SPECC1: variants seen among roughly 807,000 people sequenced by gnomAD.
SPECC1 encodes the protein cytospin-B.
In SPECC1, 62 loss-of-function variants were observed where a neutral mutation model predicts 104.1. That is an observed-to-expected ratio of 0.60 (90% CI 0.49 to 0.74). The LOEUF is 0.74. Ranked by LOEUF, SPECC1 falls within the 30% of genes least tolerant of loss-of-function variation. The pLI, the probability that SPECC1 is intolerant of heterozygous loss-of-function variation, is 0.00. For synonymous variants in SPECC1, 513 were observed against 501.6 expected (o/e 1.02, Z -0.30); for missense variants, 1,306 against 1,310.5 (o/e 1.00, Z 0.05).
intron 3 of SPECC1, chr17:20,156,000 G>C (rs2032447486): frequency 3.9e-6 from 5 of 1,282,992 alleles, no homozygotes; most frequent in Non-Finnish European, 3.9e-6. Context: ...ATGCAGATGA[G>C]GGGGCGGGGC....
chr17:20,179,697 A>G (rs1359351790), intron 3 of SPECC1, among the ~76,000 whole-genome samples: 1 of 152,246 alleles, frequency 6.6e-6, no homozygotes, highest in African/African-American at 2.4e-5. Flanking sequence ...ATCTCATTTG[A>G]ACAAATATTC....
chr17:20,293,937 G>A (rs980813437), intron 12 of SPECC1, among the ~76,000 whole-genome samples: 1 of 152,170 alleles, frequency 6.6e-6, no homozygotes, highest in Non-Finnish European at 1.5e-5. Context: ...GACCGGTACA[G>A]GAGTCTTCAG....
At chr17:20,071,787 G>A (rs2046563933) in intron 1 of SPECC1, among the ~76,000 whole-genome samples, 1 of 151,928 alleles carries the variant, frequency 6.6e-6, no homozygotes, top group Non-Finnish European at 1.5e-5. Context: ...AAATTTAGAA[G>A]CTACAATGTG....
intron 12 of SPECC1, among the ~76,000 whole-genome samples, chr17:20,296,384 C>G (rs1483313273): frequency 6.6e-6 from 1 of 152,202 alleles, no homozygotes; most frequent in East Asian, 1.9e-4. Flanking sequence ...GTCTACATCT[C>G]TGTTTTGGTA....
chr17:20,253,123 T>G (rs1315820159), intron 9 of SPECC1, among the ~76,000 whole-genome samples: 3 of 152,104 alleles, frequency 2.0e-5, no homozygotes, highest in African/African-American at 7.2e-5. Flanking sequence ...CCCTGATGAT[T>G]AGTGATGTTG....
At chr17:20,269,689 A>C (rs2040334583) in intron 12 of SPECC1, among the ~76,000 whole-genome samples, 3 of 152,308 alleles carry the variant, frequency 2.0e-5, no homozygotes, top group Admixed American at 2.0e-4. Flanking sequence ...GCAGCATTTC[A>C]CACGTGTTGT....
At chr17:20,125,411 A>G (rs1270677185) in intron 3 of SPECC1, among the ~76,000 whole-genome samples, 5 of 151,764 alleles carry the variant, frequency 3.3e-5, no homozygotes, top group Non-Finnish European at 7.4e-5. Context: ...CATTTAATTC[A>G]TTTTCACATT....
intron 4 of SPECC1, among the ~76,000 whole-genome samples, chr17:20,213,731 A>G (rs559571266): frequency 6.6e-6 from 1 of 152,268 alleles, no homozygotes. Context: ...AGCAGGTCCT[A>G]AGGCCAGAAA....
At chr17:20,156,220 CG>C in intron 3 of SPECC1, 1 of 1,414,116 alleles carries the variant, frequency 7.1e-7, no homozygotes. Flanking sequence ...CAGGACGGCC[CG>C]AGGATCCGGA....
intron 3 of SPECC1, among the ~76,000 whole-genome samples, chr17:20,115,817 C>G (rs145593157): frequency 6.6e-6 from 1 of 152,188 alleles, no homozygotes; most frequent in African/African-American, 2.4e-5. Flanking sequence ...CCATTAAAGT[C>G]AAAGATAATT....
At chr17:20,224,355 G>C (rs976385947) in intron 4 of SPECC1, among the ~76,000 whole-genome samples, 2 of 152,154 alleles carry the variant, frequency 1.3e-5, no homozygotes, top group Non-Finnish European at 2.9e-5. Context: ...GGCTACTGCT[G>C]ATGTTTATTC....
chr17:20,019,211 C>CATTT (rs967752200), intron 1 of SPECC1, among the ~76,000 whole-genome samples: 54 of 20,920 alleles, frequency 2.6e-3, no homozygotes, highest in Admixed American at 0.018. Flanking sequence ...CCCTATCATT[C>CATTT]ATTTATTTAT....
chr17:20,247,262 T>C lies in SPECC1; in HGVS notation c.2541T>C (p.Ser847=), dbSNP rs1467678523. 6.2e-7 allele frequency: 1 copy of C among 1,613,516 alleles called. No individual in the cohort carries two copies. The highest frequency in any genetic ancestry group is 8.5e-7 in the Non-Finnish European group (1 of 1,179,814). ...QNISVHKTPR[S]PLSGIPVRTA... is the part of the protein sequence containing the mutation. ...TTTCTGTCCATAAGACCCCCAGAAG[T>C]CCCCTAAGTGGGATACCAGTGAGGA... Residue 847 remains serine, a synonymous_variant, in exon 9 of 15, where the codon AGT becomes AGC. Coordinates refer to ENST00000395527, the MANE Select transcript of SPECC1 (RefSeq NM_001243439.2).
Position 20,257,480 on chromosome 17 carries a change from A to G in SPECC1, c.2710A>G (p.Lys904Glu). The change falls in exon 11 of 15, where the codon AAG (lysine) becomes GAG (glutamate). Residue 904 changes from lysine to glutamate, a missense_variant. This residue lies in a region of SPECC1 where 1,177 missense variants were observed against 1,139.9 expected (regional missense o/e 1.03). Transcript: ENST00000395527. Reference protein sequence around the residue: ...DILKGRTETLKPDPHLRKSPS... With the variant: ...DILKGRTETLEPDPHLRKSPS... ...TCTAAAGGGAAGGACTGAGACCCTG[A>G]AGCCAGACCCCCACCTCCGCAAGAG... 6.3e-7 allele frequency: 1 copy of G among 1,599,358 alleles called. No individual in the cohort carries two copies. The highest frequency in any genetic ancestry group is 2.2e-5 in the East Asian group (1 of 44,698).
chr17:20,231,256 T>G (rs1209597809), intron 5 of SPECC1, among the ~76,000 whole-genome samples: 1 of 152,200 alleles, frequency 6.6e-6, no homozygotes, highest in Non-Finnish European at 1.5e-5. Flanking sequence ...TCGGTGCTTT[T>G]GAAAAGCTTC....
chr17:20,092,814 A>G (rs116702626), intron 1 of SPECC1, among the ~76,000 whole-genome samples: 215 of 152,346 alleles, frequency 1.4e-3, no homozygotes, highest in African/African-American at 5.1e-3. Context: ...GTGAAGATGT[A>G]GAGAATCATG....
At chr17:20,142,609 C>G (rs1237335271) in intron 3 of SPECC1, among the ~76,000 whole-genome samples, 1 of 152,120 alleles carries the variant, frequency 6.6e-6, no homozygotes, top group African/African-American at 2.4e-5. Flanking sequence ...TCCATAGAGA[C>G]AGAAAGTTGA....
intron 1 of SPECC1, among the ~76,000 whole-genome samples, chr17:20,093,912 A>G (rs905133866): frequency 8.6e-5 from 13 of 151,432 alleles, no homozygotes; most frequent in Non-Finnish European, 7.4e-5. Flanking sequence ...TTGTATTTTT[A>G]GTGAGACAGG....
chr17:20,040,844 G>A (rs1216096177), intron 1 of SPECC1, among the ~76,000 whole-genome samples: 2 of 152,130 alleles, frequency 1.3e-5, no homozygotes, highest in Admixed American at 6.5e-5. Flanking sequence ...GAATCTATAG[G>A]TTTATGTCTC....
Sources: gnomAD v4.1 joint callset for allele counts (sites outside exome capture counted in the v4.1 genomes callset) on GRCh38, gnomAD v4.1.1 for gene constraint, gnomAD v4.1.1 regional missense constraint, MANE v1.5 for transcripts, NCBI Gene and HGNC (gene_info 2026-07-23, HGNC 2026-07-21) for gene names.